NT5E: variants seen among roughly 807,000 people sequenced by gnomAD.
NT5E encodes 5'-nucleotidase.
A neutral mutation model predicts 55.1 loss-of-function variants in NT5E; 53 were observed. The ratio of observed to expected loss-of-function variants is 0.96; its 90% CI spans 0.77 to 1.21. The LOEUF is 1.21. NT5E is among the 50% of genes most tolerant of loss of function. The probability of loss-of-function intolerance (pLI) is 0.00; values close to 1 mark genes in which losing one functional copy is unlikely to be tolerated. For synonymous variants in NT5E, 270 were observed against 278.4 expected (o/e 0.97, Z 0.30); for missense variants, 683 against 724.3 (o/e 0.94, Z 0.65).
At chr6:85,454,406 T>C (rs1040272223) in intron 1 of NT5E, among the ~76,000 whole-genome samples, 1 of 152,266 alleles carries the variant, frequency 6.6e-6, no homozygotes, top group African/African-American at 2.4e-5. Context: ...TGCTTTATCA[T>C]GTACTTTTCT....
At chr6:85,458,057 A>T (rs931392221) in intron 1 of NT5E, among the ~76,000 whole-genome samples, 5 of 152,228 alleles carry the variant, frequency 3.3e-5, no homozygotes, top group African/African-American at 1.2e-4. Flanking sequence ...CTTCTCCCAT[A>T]AAAACTTGTC....
At chr6:85,486,505 C>T (rs981469851) in intron 4 of NT5E, among the ~76,000 whole-genome samples, 2 of 152,090 alleles carry the variant, frequency 1.3e-5, no homozygotes, top group African/African-American at 2.4e-5. Flanking sequence ...CCCATGCGTC[C>T]GTTTATAGGC....
Position 85,450,475 on chromosome 6 carries a change from C to T in NT5E, c.336C>T (p.Ala112=). Residue 112 remains alanine (A), a synonymous_variant, in exon 1 of 9, where the codon GCC becomes GCT. Transcript: ENST00000257770. This position sits in a 1 kb window ranked among gnomAD's most constrained non-coding sequence, Gnocchi z 4.0. The part of the protein sequence containing the change: ...AHFMNALRYD[A]MALGNHEFDN... ...TCATGAACGCCCTGCGCTACGATGC[C>T]ATGGTAAGACCCGAGCCCGCGCCCG... The T allele has an allele frequency of 6.3e-7, 1 of 1,590,452 alleles. No individual in the cohort carries two copies. Among genetic ancestry groups the T allele is most frequent in the Non-Finnish European group, 8.5e-7 (1 of 1,169,686 alleles).
intron 3 of NT5E, among the ~76,000 whole-genome samples, chr6:85,484,581 A>G (rs780883984): frequency 2.0e-5 from 3 of 152,160 alleles, no homozygotes; most frequent in Non-Finnish European, 2.9e-5. Context: ...TGGCTCTTCT[A>G]AAAGACACCT....
chr6:85,468,015 G>A (rs1769229718), intron 2 of NT5E, among the ~76,000 whole-genome samples: 1 of 151,918 alleles, frequency 6.6e-6, no homozygotes, highest in Admixed American at 6.6e-5. Context: ...TTGGCAATGA[G>A]AACAAAAATG....
At chr6:85,462,140 C>T (rs1206978754) in intron 1 of NT5E, among the ~76,000 whole-genome samples, 1 of 152,088 alleles carries the variant, frequency 6.6e-6, no homozygotes, top group Non-Finnish European at 1.5e-5. Context: ...ATTCCCACAG[C>T]CCCACTTGCT....
intron 1 of NT5E, among the ~76,000 whole-genome samples, chr6:85,464,184 A>G (rs920602457): frequency 2.7e-5 from 4 of 149,014 alleles, no homozygotes; most frequent in African/African-American, 9.9e-5. Context: ...TTCTAGTCCC[A>G]GCTCCCCCTT....
intron 1 of NT5E, among the ~76,000 whole-genome samples, chr6:85,463,245 G>C (rs1769128114): frequency 6.6e-6 from 1 of 152,142 alleles, no homozygotes; most frequent in Non-Finnish European, 1.5e-5. Context: ...AGTGCATTTG[G>C]TGAAGTTTAG....
intron 5 of NT5E, among the ~76,000 whole-genome samples, chr6:85,488,317 C>G (rs1212333357): frequency 1.3e-5 from 2 of 152,132 alleles, no homozygotes; most frequent in Non-Finnish European, 2.9e-5. Flanking sequence ...CATGCATTGC[C>G]CAGTGCCCAG....
Position 85,469,268 on chromosome 6 carries a change from C to G in NT5E, c.563-1969C>G, listed in dbSNP as rs75396341. ...TAATAGAGGAATACATTCCTTTGTC[C>G]TCAGAGGCATTTCTCTGAATTTTTT... On this transcript the variant is annotated intron_variant, in intron 2 of 8. Transcript: ENST00000257770. 8.2e-3 allele frequency among the ~76,000 whole-genome samples: 1,254 copies of G among 152,234 alleles called. 16 individuals carry two copies. Among genetic ancestry groups the G allele is most frequent in the African/African-American group, 0.029 (1,202 of 41,524 alleles).
intron 3 of NT5E, among the ~76,000 whole-genome samples, chr6:85,483,630 A>G (rs898187830): frequency 6.6e-6 from 1 of 152,024 alleles, no homozygotes; most frequent in Non-Finnish European, 1.5e-5. Flanking sequence ...GGCAACAACT[A>G]TTTCCTGCTT....
chr6:85,467,321 G>T (rs771131286), intron 2 of NT5E, 39 bp downstream of exon 2: 1 of 1,528,052 alleles, frequency 6.5e-7, no homozygotes, highest in East Asian at 2.3e-5. Context: ...CTTGAAAATA[G>T]ATGCCCTAAA....
At chr6:85,481,067 G>T (rs572635306) in intron 3 of NT5E, among the ~76,000 whole-genome samples, 1,594 of 152,180 alleles carry the variant, frequency 0.01, 22 homozygotes, top group African/African-American at 0.036. Context: ...TCCACCACAT[G>T]GAAAGCATCA....
chr6:85,480,631 G>T (rs993983608), intron 3 of NT5E, among the ~76,000 whole-genome samples: 2 of 152,192 alleles, frequency 1.3e-5, no homozygotes, highest in Non-Finnish European at 2.9e-5. Context: ...TCTGTGCTGT[G>T]CTCGGAGGGG....
At chr6:85,467,851 CAT>C (rs1385791482) in intron 2 of NT5E, among the ~76,000 whole-genome samples, 1 of 151,290 alleles carries the variant, frequency 6.6e-6, no homozygotes, top group African/African-American at 2.4e-5. Flanking sequence ...CATATATACA[CAT>C]ATGTATATAT....
intron 1 of NT5E, among the ~76,000 whole-genome samples, chr6:85,462,545 C>T (rs1419273657): frequency 2.0e-5 from 3 of 152,168 alleles, no homozygotes; most frequent in African/African-American, 7.2e-5. Flanking sequence ...ATCAGCTGTA[C>T]CTTGCACACA....
At chr6:85,451,377 A>G (rs573504050) in intron 1 of NT5E, among the ~76,000 whole-genome samples, 1 of 152,224 alleles carries the variant, frequency 6.6e-6, no homozygotes, top group South Asian at 2.1e-4. Flanking sequence ...AAACATGTGC[A>G]AAAGTTTAGT....
At position 85,494,191 on chromosome 6, in the gene NT5E, GA is replaced by G. The variant is rs955292147; in HGVS notation, c.*195del. 2.9e-5 allele frequency: 18 copies of G among 621,078 alleles called. No homozygotes were observed. The highest frequency in any genetic ancestry group is 4.7e-5 in the Non-Finnish European group (17 of 358,538). The allele number at this position is 621,078 out of a possible 1,614,324, so 38.5% of individuals were successfully genotyped here. The stretch of plus-strand genomic sequence containing the variant: ...TCAGGGTCAGCAACCTAGTGAGTTA[GA>G]AAAAAAATTAACATAGGGCCCTATA... On this transcript the variant is annotated 3_prime_UTR_variant, in exon 9 of 9. Transcript: ENST00000257770.
intron 3 of NT5E, among the ~76,000 whole-genome samples, chr6:85,474,802 C>T (rs138611552): frequency 1.3e-5 from 2 of 152,028 alleles, no homozygotes; most frequent in Non-Finnish European, 2.9e-5. Flanking sequence ...AGTGTAGGGG[C>T]ATATGCCTGT....
Sources: gnomAD v4.1 joint callset for allele counts (sites outside exome capture counted in the v4.1 genomes callset) on GRCh38, gnomAD v4.1.1 for gene constraint, Gnocchi (gnomAD v3.1) non-coding constraint, MANE v1.5 for transcripts, NCBI Gene and HGNC (gene_info 2026-07-23, HGNC 2026-07-21) for gene names.